The following CRTC3 variants were observed in gnomAD, a reference collection of about 807,000 sequenced individuals.
CRTC3 encodes the protein CREB-regulated transcription coactivator 3.
CRTC3 carries 26 observed loss-of-function variants against 74.5 expected under a neutral mutation model. That is an observed-to-expected ratio of 0.35 (90% CI 0.26 to 0.48). The LOEUF is 0.48. Among genes scored for constraint, CRTC3 ranks in the 20% least tolerant of loss-of-function variants. The pLI is 0.99. For missense variants in CRTC3, 760 were observed against 787.3 expected (o/e 0.97, Z 0.41); for synonymous variants, 377 against 325.8 (o/e 1.16, Z -1.69).
chr15:90,629,792 C>T (rs1435392664), intron 11 of CRTC3, among the ~76,000 whole-genome samples: 3 of 152,272 alleles, frequency 2.0e-5, no homozygotes, highest in Middle Eastern at 3.4e-3. Flanking sequence ...GGCACAATCG[C>T]GGCTCACTGC....
chr15:90,556,568 C>G (rs1333865965), intron 2 of CRTC3, among the ~76,000 whole-genome samples: 2 of 152,278 alleles, frequency 1.3e-5, no homozygotes, highest in East Asian at 3.9e-4. Context: ...TCACACGGGC[C>G]TAGAGGCTGG....
At chr15:90,536,018 G>T (rs568721820) in intron 1 of CRTC3, among the ~76,000 whole-genome samples, 29 of 152,290 alleles carry the variant, frequency 1.9e-4, no homozygotes, top group African/African-American at 6.0e-4. Flanking sequence ...CTGCTGTAAG[G>T]TATCAGTATC....
intron 2 of CRTC3, among the ~76,000 whole-genome samples, chr15:90,546,002 G>A (rs1308138060): frequency 1.3e-5 from 2 of 152,146 alleles, no homozygotes; most frequent in Admixed American, 1.3e-4. Flanking sequence ...TCTGTGGCTT[G>A]TTTTTTCATT....
intron 3 of CRTC3, among the ~76,000 whole-genome samples, chr15:90,597,682 A>G (rs1967961468): frequency 6.6e-6 from 1 of 152,196 alleles, no homozygotes; most frequent in Non-Finnish European, 1.5e-5. Flanking sequence ...GAATTTCAAA[A>G]CTTAAGTGAT....
chr15:90,632,980 G>A (rs190385541), intron 11 of CRTC3, among the ~76,000 whole-genome samples: 215 of 152,214 alleles, frequency 1.4e-3, no homozygotes, highest in Middle Eastern at 0.014. Context: ...TACCAATGAA[G>A]ATTAGAATTT....
At chr15:90,552,639 T>C (rs1172317266) in intron 2 of CRTC3, among the ~76,000 whole-genome samples, 1 of 152,220 alleles carries the variant, frequency 6.6e-6, no homozygotes, top group African/African-American at 2.4e-5. Context: ...TTTTAATCTA[T>C]GATTTGGGCA....
At chr15:90,639,646 C>T (rs959637975) in intron 13 of CRTC3, among the ~76,000 whole-genome samples, 10 of 151,456 alleles carry the variant, frequency 6.6e-5, no homozygotes, top group Middle Eastern at 6.8e-3. Context: ...GATGGGGTTT[C>T]ACTTTGTTGA....
At chr15:90,607,692 C>T (rs899772214) in intron 6 of CRTC3, among the ~76,000 whole-genome samples, 2 of 152,232 alleles carry the variant, frequency 1.3e-5, no homozygotes, top group African/African-American at 4.8e-5. Context: ...CCACAGCACG[C>T]TCTCCCTCTT....
At chr15:90,536,471 G>C (rs1966720917) in intron 1 of CRTC3, among the ~76,000 whole-genome samples, 1 of 145,044 alleles carries the variant, frequency 6.9e-6, no homozygotes, top group Admixed American at 7.0e-5. Context: ...CTCCAGCCTG[G>C]GCAACAGAGA....
At chr15:90,554,569 G>A (rs573708246) in intron 2 of CRTC3, among the ~76,000 whole-genome samples, 24 of 152,230 alleles carry the variant, frequency 1.6e-4, no homozygotes, top group Non-Finnish European at 2.9e-4. Context: ...TTCTGCCATC[G>A]CTGACACCTC....
chr15:90,638,848 G>T (rs1163010901), intron 13 of CRTC3, 33 bp downstream of exon 13: 1 of 1,540,958 alleles, frequency 6.5e-7, no homozygotes, highest in Non-Finnish European at 9.0e-7. Context: ...TCCTCCCTTG[G>T]TGCATAAACT....
intron 2 of CRTC3, among the ~76,000 whole-genome samples, chr15:90,558,272 T>C (rs921438416): frequency 1.1e-4 from 16 of 152,194 alleles, no homozygotes; most frequent in Non-Finnish European, 1.5e-5. Context: ...GCCTCCTGAC[T>C]GGGCTTCTGG....
chr15:90,641,089 G>A lies in CRTC3; in HGVS notation c.1549-8G>A, dbSNP rs780562191. ...TGGCCTTCCTCACATGACCTTCGAT[G>A]CTTCCAGGTGCCTCTGGTGCAACAA... On this transcript the variant is annotated splice_region_variant and splice_polypyrimidine_tract_variant and intron_variant, in intron 13 of 14. Coordinates refer to ENST00000268184, the MANE Select transcript of CRTC3 (RefSeq NM_022769.5). The A allele has an allele frequency of 6.3e-7, 1 of 1,599,452 alleles. No individual in the cohort carries two copies. Among genetic ancestry groups the A allele is most frequent in the Admixed American group, 1.7e-5 (1 of 59,974 alleles).
At chr15:90,560,881 C>A (rs1966996672) in intron 2 of CRTC3, among the ~76,000 whole-genome samples, 1 of 152,182 alleles carries the variant, frequency 6.6e-6, no homozygotes, top group South Asian at 2.1e-4. Context: ...AATTGGTCAA[C>A]AAAATTTAAT....
intron 11 of CRTC3, 62 bp from the exon 12 acceptor site, chr15:90,638,384 C>CT: frequency 1.4e-6 from 2 of 1,431,212 alleles, no homozygotes; most frequent in South Asian, 2.3e-5. Flanking sequence ...TTTCCTAATC[C>CT]TAAAGGACTT....
At chr15:90,629,637 A>G (rs1968966524) in intron 11 of CRTC3, 105 bp downstream of exon 11, 1 of 1,162,444 alleles carries the variant, frequency 8.6e-7, no homozygotes. Context: ...TTATTACACC[A>G]AGCACCCATG....
intron 7 of CRTC3, among the ~76,000 whole-genome samples, chr15:90,615,528 A>G (rs1038051173): frequency 4.6e-5 from 7 of 152,250 alleles, no homozygotes; most frequent in African/African-American, 1.7e-4. Context: ...CTTTTAGGCC[A>G]TGAATAAAAT....
intron 2 of CRTC3, among the ~76,000 whole-genome samples, chr15:90,546,573 A>G (rs972297821): frequency 1.3e-4 from 20 of 152,128 alleles, no homozygotes; most frequent in Non-Finnish European, 2.8e-4. Context: ...TTGCTTTTCC[A>G]TAACATTTTA....
chr15:90,621,252 C>T (rs771828425), intron 9 of CRTC3, among the ~76,000 whole-genome samples: 4 of 152,190 alleles, frequency 2.6e-5, no homozygotes, highest in Admixed American at 2.0e-4. Flanking sequence ...GAAAGCCTAA[C>T]ATTATAGAAT....
Sources: allele counts gnomAD v4.1 joint callset (sites outside exome capture counted in the v4.1 genomes callset), GRCh38; gene constraint gnomAD v4.1.1; transcripts MANE v1.5; gene names NCBI Gene and HGNC (gene_info 2026-07-23, HGNC 2026-07-21).